The following RHOBTB1 variants were observed in gnomAD, a reference collection of about 807,000 sequenced individuals.
The protein encoded by RHOBTB1 is Rho related BTB domain containing 1.
A neutral mutation model predicts 71.6 loss-of-function variants in RHOBTB1; 40 were observed. The ratio of observed to expected loss-of-function variants is 0.56; its 90% CI spans 0.43 to 0.73. The LOEUF (loss-of-function observed/expected upper bound fraction) is 0.73, where lower values mean the gene tolerates loss of function less well. RHOBTB1 is among the 30% of genes least tolerant of loss of function. The probability of loss-of-function intolerance (pLI) is 0.00; values close to 1 mark genes in which losing one functional copy is unlikely to be tolerated. For missense variants in RHOBTB1, 797 were observed against 894.0 expected, an observed-to-expected ratio of 0.89 and a Z score of 1.38; for synonymous variants, 319 against 334.9, an observed-to-expected ratio of 0.95 and a Z score of 0.52.
chr10:60,970,694 G>A (rs1453501892), intron 2 of RHOBTB1, among the ~76,000 whole-genome samples: 9 of 151,940 alleles, frequency 5.9e-5, no homozygotes, highest in African/African-American at 1.9e-4. Flanking sequence ...TAACAGTTCC[G>A]TGGTCAGAAA....
downstream of RHOBTB1, among the ~76,000 whole-genome samples, chr10:60,865,599 A>C (rs1720579324): frequency 6.6e-6 from 1 of 152,236 alleles, no homozygotes; most frequent in South Asian, 2.1e-4. Context: ...AACTTTCACA[A>C]TCAGGGAAGC....
intron 2 of RHOBTB1, among the ~76,000 whole-genome samples, chr10:60,966,916 T>C (rs955739178): frequency 7.3e-5 from 11 of 151,138 alleles, no homozygotes; most frequent in Middle Eastern, 6.8e-3. Context: ...AACTTCTATA[T>C]AGCAGCACTG....
At position 60,984,861 on chromosome 10, in the gene RHOBTB1, T is replaced by A. The variant is rs943772206; in HGVS notation, c.-62+984A>T. Among the ~76,000 whole-genome samples, 3 of 152,186 alleles carry A rather than the reference T, an allele frequency of 2.0e-5. No individual in the cohort carries two copies. The East Asian group carries it at 5.8e-4, about 29-fold the overall frequency. On this transcript the variant is annotated intron_variant, in intron 2 of 11. Transcript: ENST00000357917. ...ACATTTTAGACACAGAATAAACAAT[T>A]TTCAAGGAACCTCAGGCACTTTACA...
intron 2 of RHOBTB1, among the ~76,000 whole-genome samples, chr10:60,984,021 A>G (rs2134845152): frequency 6.6e-6 from 1 of 152,334 alleles, no homozygotes; most frequent in South Asian, 2.1e-4. Context: ...AACTACCTGA[A>G]AACTATACCA....
At chr10:60,897,979 C>T (rs1219218744) in intron 4 of RHOBTB1, among the ~76,000 whole-genome samples, 1 of 152,198 alleles carries the variant, frequency 6.6e-6, no homozygotes, top group Non-Finnish European at 1.5e-5. Flanking sequence ...GCTGGGATTA[C>T]AGGCATGAGC....
chr10:60,960,996 T>C (rs2085758322), intron 2 of RHOBTB1, among the ~76,000 whole-genome samples: 1 of 152,062 alleles, frequency 6.6e-6, no homozygotes, highest in Non-Finnish European at 1.5e-5. Context: ...AGTATGGGGA[T>C]TCACTAACTC....
At chr10:60,916,747 T>A (rs1007276658) in intron 2 of RHOBTB1, among the ~76,000 whole-genome samples, 1 of 152,208 alleles carries the variant, frequency 6.6e-6, no homozygotes, top group African/African-American at 2.4e-5. Context: ...CTTGTGAATA[T>A]GTTCCATTGT....
chr10:60,998,695 C>G (rs936877118), intron 1 of RHOBTB1, among the ~76,000 whole-genome samples: 1 of 152,130 alleles, frequency 6.6e-6, no homozygotes, highest in Non-Finnish European at 1.5e-5. Flanking sequence ...TGCTTGGCAT[C>G]CAAAATCCTG....
At chr10:60,867,727 A>G (rs2080643207), downstream of RHOBTB1, among the ~76,000 whole-genome samples, 1 of 152,258 alleles carries the variant, frequency 6.6e-6, no homozygotes, top group Admixed American at 6.5e-5. Context: ...TATCCAATTT[A>G]GAAGCACTGT....
upstream of RHOBTB1, among the ~76,000 whole-genome samples, chr10:60,944,963 G>A (rs112670462): frequency 0.045 from 6,877 of 152,192 alleles, 261 homozygotes; most frequent in African/African-American, 0.098. Context: ...GGCCTCCATG[G>A]GCTGTCTTGG....
At chr10:60,906,530 C>T (rs971176749) in intron 4 of RHOBTB1, among the ~76,000 whole-genome samples, 4 of 152,162 alleles carry the variant, frequency 2.6e-5, no homozygotes, top group African/African-American at 9.7e-5. Flanking sequence ...TGGAGTCAGA[C>T]AGATTCAAGA....
At chr10:60,980,149 TC>T (rs1413382002) in intron 2 of RHOBTB1, among the ~76,000 whole-genome samples, 1 of 152,208 alleles carries the variant, frequency 6.6e-6, no homozygotes, top group Non-Finnish European at 1.5e-5. Flanking sequence ...TCAGTTAAAT[TC>T]ATTAAAATTA....
At chr10:60,980,319 C>T (rs796179107) in intron 2 of RHOBTB1, among the ~76,000 whole-genome samples, 7 of 151,974 alleles carry the variant, frequency 4.6e-5, no homozygotes, top group African/African-American at 1.7e-4. Flanking sequence ...AATAAATGTC[C>T]GCTGGACCAA....
At chr10:60,973,213 G>T (rs542922214) in intron 2 of RHOBTB1, among the ~76,000 whole-genome samples, 2 of 151,892 alleles carry the variant, frequency 1.3e-5, no homozygotes, top group Non-Finnish European at 2.9e-5. Flanking sequence ...CTATCAAAAG[G>T]TTCTCATCTG....
At position 60,877,965 on chromosome 10, in the gene RHOBTB1, G is replaced by A. The variant is rs1017177292; in HGVS notation, c.1669C>T (p.Leu557=). ...QLSPNLDLDP[L]ELIALANRFC... ...CTGTTTGCCAAGGCAATTAATTCCA[G>A]CGGGTCCAGATCCAAGTTAGGAGAC... The change falls in exon 8 of 11, where the codon CTG becomes TTG. Residue 557 remains leucine, a synonymous_variant. Coordinates refer to ENST00000337910, the MANE Select transcript of RHOBTB1 (RefSeq NM_014836.5). 6.2e-7 allele frequency: 1 copy of A among 1,613,930 alleles called. No homozygotes were observed. The highest frequency in any genetic ancestry group is 8.5e-7 in the Non-Finnish European group (1 of 1,179,964).
upstream of RHOBTB1, among the ~76,000 whole-genome samples, chr10:60,948,428 C>T (rs73266056): frequency 0.02 from 3,022 of 152,282 alleles, 70 homozygotes; most frequent in African/African-American, 0.054. Flanking sequence ...ACAGGGAGAC[C>T]TTAGCCACGT....
intron 2 of RHOBTB1, among the ~76,000 whole-genome samples, chr10:60,921,189 C>T (rs930969747): frequency 1.3e-5 from 2 of 152,116 alleles, no homozygotes; most frequent in Admixed American, 6.5e-5. Context: ...CTCAGGTGAT[C>T]CTCCTTCCTT....
chr10:60,945,309 A>G (rs781203691), upstream of RHOBTB1, among the ~76,000 whole-genome samples: 5 of 152,172 alleles, frequency 3.3e-5, no homozygotes, highest in Non-Finnish European at 4.4e-5. Context: ...ACCTTTATTG[A>G]GTAGGCTGTG....
intron 4 of RHOBTB1, among the ~76,000 whole-genome samples, chr10:60,907,391 T>G (rs950798837): frequency 6.6e-6 from 1 of 152,142 alleles, no homozygotes; most frequent in African/African-American, 2.4e-5. Context: ...GCGCTTTCCT[T>G]GCCAAAAAAG....
Sources: gnomAD v4.1 joint callset for allele counts (sites outside exome capture counted in the v4.1 genomes callset) on GRCh38, gnomAD v4.1.1 for gene constraint, MANE v1.5 for transcripts, NCBI Gene and HGNC (gene_info 2026-07-23, HGNC 2026-07-21) for gene names.